POU5F1: variants seen among roughly 807,000 people sequenced by gnomAD.
The protein encoded by POU5F1 is POU domain, class 5, transcription factor 1.
In POU5F1, 6 loss-of-function variants were observed where a neutral mutation model predicts 38.3. The observed-to-expected ratio is 0.16, with a 90% confidence interval of 0.09 to 0.31. The LOEUF (loss-of-function observed/expected upper bound fraction) is 0.31, where lower values mean the gene tolerates loss of function less well. POU5F1 is among the 10% of genes least tolerant of loss of function. The probability of loss-of-function intolerance (pLI) is 1.00; values close to 1 mark genes in which losing one functional copy is unlikely to be tolerated. For synonymous variants in POU5F1, 147 were observed against 194.9 expected (o/e 0.75, Z 2.05); for missense variants, 286 against 462.6 (o/e 0.62, Z 3.50).
Position 31,168,537 on chromosome 6 carries a change from C to T in POU5F1, c.405+1679G>A, listed in dbSNP as rs185525847. On this transcript the variant is annotated intron_variant, in intron 1 of 4. Transcript: ENST00000259915. ...CTTTTAAAACACTGACTCTAGTTGA[C>T]GTGTTGGCCACAGACAGTAGGGAGG... Among the ~76,000 whole-genome samples, 516 of 152,252 alleles carry T rather than the reference C, an allele frequency of 3.4e-3. 5 individuals carry two copies. Among genetic ancestry groups the T allele is most frequent in the Middle Eastern group, 0.027 (8 of 294 alleles).
At chr6:31,167,669 C>A (rs1266497912) in intron 1 of POU5F1, among the ~76,000 whole-genome samples, 1 of 151,412 alleles carries the variant, frequency 6.6e-6, no homozygotes, top group Non-Finnish European at 1.5e-5. Flanking sequence ...GATCGCACCA[C>A]TGCACTCCAG....
chr6:31,165,390 G>T lies in POU5F1; in HGVS notation c.658-104C>A. 1 of 1,562,780 alleles carries T rather than the reference G, an allele frequency of 6.4e-7. No individual in the cohort carries two copies. Among genetic ancestry groups the T allele is most frequent in the Non-Finnish European group, 8.7e-7 (1 of 1,151,206 alleles). On this transcript the variant is annotated intron_variant, in intron 3 of 4. Transcript: ENST00000259915. This position sits in a 1 kb window ranked among gnomAD's most constrained non-coding sequence, Gnocchi z 6.5. ...TGTGTCAGCAGAGCCAGGTGGTGGT[G>T]TGAAAAGGCAGGATCCTGGAAGGGT...
At chr6:31,168,469 A>C (rs1777444399) in intron 1 of POU5F1, among the ~76,000 whole-genome samples, 1 of 152,118 alleles carries the variant, frequency 6.6e-6, no homozygotes, top group Non-Finnish European at 1.5e-5. Context: ...TCCCGACCTC[A>C]GGTGATTCGC....
At position 31,165,302 on chromosome 6, in the gene POU5F1, G is replaced by A; in HGVS notation, c.658-16C>T. ...CTTTGCATATCTGTGCAGGTGGGAA[G>A]GGGGTGACAAGGGCAAGCTTTGGAC... On this transcript the variant is annotated splice_polypyrimidine_tract_variant and intron_variant, in intron 3 of 4. Coordinates refer to ENST00000259915, the MANE Select transcript of POU5F1 (RefSeq NM_002701.6). The surrounding 1 kb of genome is among the most constrained non-coding windows in gnomAD (Gnocchi z 6.5). The A allele has an allele frequency of 2.5e-6, 4 of 1,606,978 alleles. No homozygotes were observed. The highest frequency in any genetic ancestry group is 2.5e-6 in the Non-Finnish European group (3 of 1,176,698).
chr6:31,164,823 T>G lies in POU5F1; in HGVS notation c.861A>C (p.Arg287=). The part of the protein sequence containing the change: ...WFCNRRQKGK[R]SSSDYAQRED... ...CTCGTTGTGCATAGTCGCTGCTTGA[T>G]CGCTTGCCCTTCTGGCGCCGGTTAC... The change falls in exon 5 of 5, where the codon CGA becomes CGC. Residue 287 remains arginine (R), a synonymous_variant. Coordinates refer to ENST00000259915, the MANE Select transcript of POU5F1 (RefSeq NM_002701.6). 6.2e-7 allele frequency: 1 copy of G among 1,612,648 alleles called. No individual in the cohort carries two copies. Among genetic ancestry groups the G allele is most frequent in the Non-Finnish European group, 8.5e-7 (1 of 1,179,552 alleles).
At chr6:31,169,748 T>A (rs1161337967) in intron 1 of POU5F1, among the ~76,000 whole-genome samples, 1 of 152,140 alleles carries the variant, frequency 6.6e-6, no homozygotes, top group African/African-American at 2.4e-5. Flanking sequence ...GAGCACTGTT[T>A]TTACCCTCAG....
At chr6:31,166,878 TACAC>T in intron 1 of POU5F1, 1 of 1,300,526 alleles carries the variant, frequency 7.7e-7, no homozygotes, top group South Asian at 1.5e-5. Context: ...ATGGCATGCA[TACAC>T]ACAAACACAG....
At chr6:31,167,302 AG>A in intron 1 of POU5F1, 1 of 230,248 alleles carries the variant, frequency 4.3e-6, no homozygotes, top group Non-Finnish European at 8.7e-6. Flanking sequence ...CAAGGTGGGC[AG>A]ACTGCTTGAG....
chr6:31,167,226 G>C, intron 1 of POU5F1: 1 of 295,234 alleles, frequency 3.4e-6, no homozygotes, highest in Non-Finnish European at 6.5e-6. Flanking sequence ...AAATAAAAAA[G>C]TAAATAAAAT....
At chr6:31,168,688 G>T (rs1455678343) in intron 1 of POU5F1, among the ~76,000 whole-genome samples, 1 of 152,226 alleles carries the variant, frequency 6.6e-6, no homozygotes, top group African/African-American at 2.4e-5. Flanking sequence ...GAAAGAAACT[G>T]AGGATGACTG....
Position 31,165,729 on chromosome 6 carries a change from A to G in POU5F1, c.527-28T>C. The G allele has an allele frequency of 6.3e-7, 1 of 1,598,680 alleles. No homozygotes were observed. The highest frequency in any genetic ancestry group is 8.5e-7 in the Non-Finnish European group (1 of 1,172,048). ...GGGGGAGGCCAGTCAAAAGAGAAGC[A>G]AAGTGAGGGAGCACGCAGGGCCCTT... On this transcript the variant is annotated intron_variant, in intron 2 of 4. Transcript: ENST00000259915. This position sits in a 1 kb window ranked among gnomAD's most constrained non-coding sequence, Gnocchi z 6.5.
Position 31,164,536 on chromosome 6 carries a change from C to T in POU5F1, c.*65G>A. 1 of 1,574,478 alleles carries T rather than the reference C, an allele frequency of 6.4e-7. No individual in the cohort carries two copies. The highest frequency in any genetic ancestry group is 8.6e-7 in the Non-Finnish European group (1 of 1,159,414). On this transcript the variant is annotated 3_prime_UTR_variant, in exon 5 of 5. Transcript: ENST00000259915. ...TTAATCCCAAAAACCCTGGCACAAA[C>T]TCCAGGTTTTCTTTCCCTAGCTCCT...
intron 1 of POU5F1, chr6:31,166,414 A>T (rs1777258652): frequency 7.3e-7 from 1 of 1,374,432 alleles, no homozygotes; most frequent in Middle Eastern, 1.9e-4. Context: ...TAATTCCAGC[A>T]CTTTGGGAGG....
chr6:31,166,438 A>G (rs1032397103), intron 1 of POU5F1: 6 of 1,354,950 alleles, frequency 4.4e-6, no homozygotes, highest in Non-Finnish European at 5.8e-6. Context: ...AGGTGGGCAG[A>G]TCACGAGGTC....
chr6:31,167,393 A>T (rs1777347115), intron 1 of POU5F1, among the ~76,000 whole-genome samples: 1 of 151,174 alleles, frequency 6.6e-6, no homozygotes, highest in Non-Finnish European at 1.5e-5. Flanking sequence ...CTCTATTTAA[A>T]ATATATATAT....
chr6:31,165,366 G>C lies in POU5F1; in HGVS notation c.658-80C>G. The stretch of plus-strand genomic sequence containing the variant: ...GCATCACAGGGGTCTGTGACTAGAT[G>C]TGTCAGCAGAGCCAGGTGGTGGTGT... On this transcript the variant is annotated intron_variant, in intron 3 of 4. Coordinates refer to ENST00000259915, the MANE Select transcript of POU5F1 (RefSeq NM_002701.6). The surrounding 1 kb of genome is among the most constrained non-coding windows in gnomAD (Gnocchi z 6.5). 6.4e-7 allele frequency: 1 copy of C among 1,572,362 alleles called. No homozygotes were observed. Among genetic ancestry groups the C allele is most frequent in the Non-Finnish European group, 8.6e-7 (1 of 1,156,656 alleles).
intron 1 of POU5F1, chr6:31,170,004 G>T: frequency 1.3e-6 from 1 of 741,300 alleles, no homozygotes; most frequent in Non-Finnish European, 2.2e-6. Context: ...ACCGGCAGTT[G>T]TCTCTTCGAA....
chr6:31,165,474 A>G lies in POU5F1; in HGVS notation c.657+97T>C. 1 of 1,599,752 alleles carries G rather than the reference A, an allele frequency of 6.3e-7. No individual in the cohort carries two copies. Reference sequence around the variant, plus strand: ...ATTTCACTCCATCCCACTGAGAACCACTGCACCAAAGACGGAGAGCTACGA... The same window carrying G: ...ATTTCACTCCATCCCACTGAGAACCGCTGCACCAAAGACGGAGAGCTACGA... On this transcript the variant is annotated intron_variant, in intron 3 of 4. Transcript: ENST00000259915. This position sits in a 1 kb window ranked among gnomAD's most constrained non-coding sequence, Gnocchi z 6.5.
At position 31,170,250 on chromosome 6, in the gene POU5F1, A is replaced by G. The variant is rs983852385; in HGVS notation, c.371T>C (p.Leu124Pro). The change falls in exon 1 of 5, where the codon CTG (leucine) becomes CCG (proline). Residue 124 changes from leucine (L) to proline (P), a missense_variant. Around this residue, in one of 2 missense-constraint regions of POU5F1, gnomAD observed 176 missense variants for 184.8 expected, o/e 0.95. Coordinates refer to ENST00000259915, the MANE Select transcript of POU5F1 (RefSeq NM_002701.6). Reference protein sequence around the residue: ...PCTVTPGAVKLEKEKLEQNPE... With the variant: ...PCTVTPGAVKPEKEKLEQNPE... ...GTTTTGCTCCAGCTTCTCCTTCTCCAGCTTCACGGCACCAGGGGTGACGGT... is the reference window on the plus strand; with the variant it reads ...GTTTTGCTCCAGCTTCTCCTTCTCCGGCTTCACGGCACCAGGGGTGACGGT... 1.2e-6 allele frequency: 2 copies of G among 1,612,858 alleles called. No homozygotes were observed. The highest frequency in any genetic ancestry group is 1.7e-6 in the Non-Finnish European group (2 of 1,179,806).
Sources: allele counts gnomAD v4.1 joint callset (sites outside exome capture counted in the v4.1 genomes callset), GRCh38; gene constraint gnomAD v4.1.1; regional missense constraint gnomAD v4.1.1; non-coding constraint Gnocchi (gnomAD v3.1); transcripts MANE v1.5; gene names NCBI Gene and HGNC (gene_info 2026-07-23, HGNC 2026-07-21).